ZBTB16: variants seen among roughly 807,000 people sequenced by gnomAD.
ZBTB16 encodes the protein zinc finger and BTB domain-containing protein 16.
In ZBTB16, 8 loss-of-function variants were observed where a neutral mutation model predicts 56.8. The observed-to-expected ratio is 0.14, with a 90% CI of 0.08 to 0.25. The LOEUF is 0.25. ZBTB16 is among the 10% of genes least tolerant of loss of function. The pLI, the probability that ZBTB16 is intolerant of heterozygous loss-of-function variation, is 1.00. For missense variants in ZBTB16, 625 were observed against 903.0 expected (o/e 0.69, Z 3.95); for synonymous variants, 363 against 368.5 (o/e 0.98, Z 0.17).
At chr11:114,231,738 T>C (rs982185402) in intron 4 of ZBTB16, among the ~76,000 whole-genome samples, 5 of 152,316 alleles carry the variant, frequency 3.3e-5, no homozygotes, top group African/African-American at 1.2e-4. Context: ...AAAGAGATTC[T>C]CTTTAGCTAA....
chr11:114,140,051 C>T (rs1033234782), intron 2 of ZBTB16, among the ~76,000 whole-genome samples: 1 of 152,220 alleles, frequency 6.6e-6, no homozygotes, highest in African/African-American at 2.4e-5. Context: ...CACCTCTTTT[C>T]TCCATTAGCT....
At chr11:114,167,841 C>T (rs939896571) in intron 3 of ZBTB16, among the ~76,000 whole-genome samples, 1 of 152,204 alleles carries the variant, frequency 6.6e-6, no homozygotes, top group Non-Finnish European at 1.5e-5. Flanking sequence ...AAGGCTCTAA[C>T]CTGGCTCTAG....
intron 2 of ZBTB16, among the ~76,000 whole-genome samples, chr11:114,086,534 T>G (rs1160867165): frequency 1.3e-5 from 2 of 152,230 alleles, no homozygotes; most frequent in Non-Finnish European, 2.9e-5. Flanking sequence ...ATAGTGATTG[T>G]GGTTTATCTT....
At chr11:114,061,061 T>C (rs927640930) in intron 1 of ZBTB16, among the ~76,000 whole-genome samples, 1 of 152,038 alleles carries the variant, frequency 6.6e-6, no homozygotes, top group Non-Finnish European at 1.5e-5. Flanking sequence ...CAGCTCTCCT[T>C]CTTTCAGGAG....
intron 3 of ZBTB16, among the ~76,000 whole-genome samples, chr11:114,171,369 C>G (rs1942963097): frequency 6.6e-6 from 1 of 152,218 alleles, no homozygotes; most frequent in South Asian, 2.1e-4. Context: ...ACTCCACCCC[C>G]ATCCAGAATC....
intron 2 of ZBTB16, among the ~76,000 whole-genome samples, chr11:114,099,925 G>T (rs1940549424): frequency 6.6e-6 from 1 of 152,188 alleles, no homozygotes; most frequent in Admixed American, 6.5e-5. Flanking sequence ...CTTCCTAAGA[G>T]GTGTCTGTCT....
chr11:114,113,896 A>G (rs909151658), intron 2 of ZBTB16, among the ~76,000 whole-genome samples: 3 of 152,232 alleles, frequency 2.0e-5, no homozygotes, highest in African/African-American at 7.2e-5. Flanking sequence ...CATTTATTCA[A>G]TTAGTCAACA....
chr11:114,130,469 A>G lies in ZBTB16; in HGVS notation c.1269-25868A>G, dbSNP rs542865832. Among the ~76,000 whole-genome samples the G allele has an allele frequency of 1.4e-4, 22 of 152,328 alleles. No individual in the cohort carries two copies. The South Asian group carries it at 4.6e-3, about 32-fold the overall frequency. On this transcript the variant is annotated intron_variant, in intron 2 of 6. Transcript: ENST00000335953. ...CTGTGCCCCAAGGGCATGACTGTGT[A>G]TAATTCATAAGTGTCAGCATCGATG...
intron 2 of ZBTB16, among the ~76,000 whole-genome samples, chr11:114,102,942 A>G (rs1270263665): frequency 6.6e-6 from 1 of 152,206 alleles, no homozygotes; most frequent in Non-Finnish European, 1.5e-5. Flanking sequence ...TGCCCATATT[A>G]ACCCATCTAG....
chr11:114,123,794 A>G (rs1941411624), intron 2 of ZBTB16, among the ~76,000 whole-genome samples: 1 of 152,110 alleles, frequency 6.6e-6, no homozygotes, highest in Admixed American at 6.6e-5. Flanking sequence ...TGGCCTTAAA[A>G]TAGGGTTTTA....
At chr11:114,101,672 G>A (rs1040862217) in intron 2 of ZBTB16, among the ~76,000 whole-genome samples, 3 of 152,172 alleles carry the variant, frequency 2.0e-5, no homozygotes, top group Admixed American at 6.5e-5. Context: ...GGACGATATT[G>A]CCTAACTTGT....
intron 4 of ZBTB16, among the ~76,000 whole-genome samples, chr11:114,235,703 C>CT (rs762738627): frequency 3.0e-5 from 3 of 100,786 alleles, no homozygotes; most frequent in South Asian, 3.2e-4. Flanking sequence ...TTCTTTCTTT[C>CT]TTTTCTTTCT....
chr11:114,172,515 C>T (rs1266302644), intron 3 of ZBTB16, among the ~76,000 whole-genome samples: 1 of 152,204 alleles, frequency 6.6e-6, no homozygotes, highest in Non-Finnish European at 1.5e-5. Flanking sequence ...GACAGAGCTG[C>T]GCTGTGACCC....
chr11:114,148,420 C>CTCTCTCTGTCTGTCTGT (rs1942181630), intron 2 of ZBTB16, among the ~76,000 whole-genome samples: 2 of 44,972 alleles, frequency 4.4e-5, no homozygotes, highest in Non-Finnish European at 8.0e-5. Context: ...TCCCTCCCTC[C>CTCTCTCTGTCTGTCTGT]CTCCCTCTCT....
chr11:114,256,597 T>C lies in ZBTB16; in HGVS notation c.*6042T>C, dbSNP rs965041098. On this transcript the variant is annotated 3_prime_UTR_variant, in exon 7 of 7. Coordinates refer to ENST00000335953, the MANE Select transcript of ZBTB16 (RefSeq NM_006006.6). ...TGGCTAAGCAAGCTTCAGAAATTTC[T>C]CAACAAGAAGCTTCCACACAATCAA... is the stretch of plus-strand genomic sequence containing the variant. Among the ~76,000 whole-genome samples the C allele has an allele frequency of 2.6e-5, 4 of 152,032 alleles. No homozygotes were observed. Among genetic ancestry groups the C allele is most frequent in the African/African-American group, 9.7e-5 (4 of 41,430 alleles).
intron 2 of ZBTB16, among the ~76,000 whole-genome samples, chr11:114,137,717 CT>C (rs200367270): frequency 6.6e-6 from 1 of 151,860 alleles, no homozygotes; most frequent in Non-Finnish European, 1.5e-5. Context: ...TGACCATGCC[CT>C]TTTTTTTGGG....
At chr11:114,159,942 G>GGT (rs1555145912) in intron 3 of ZBTB16, among the ~76,000 whole-genome samples, 2 of 148,012 alleles carry the variant, frequency 1.4e-5, no homozygotes, top group Admixed American at 6.7e-5. Context: ...GGAGGCGGGG[G>GGT]GGAGGCGAGC....
intron 2 of ZBTB16, among the ~76,000 whole-genome samples, chr11:114,100,976 T>C (rs1259255122): frequency 6.6e-6 from 1 of 150,852 alleles, no homozygotes; most frequent in Non-Finnish European, 1.5e-5. Flanking sequence ...GGGGGGTTCA[T>C]GGCCAGGAGC....
At position 114,256,528 on chromosome 11, in the gene ZBTB16, G is replaced by A. The variant is rs377061496; in HGVS notation, c.*5973G>A. 5.9e-5 allele frequency among the ~76,000 whole-genome samples: 9 copies of A among 152,146 alleles called. No homozygotes were observed. Among genetic ancestry groups the A allele is most frequent in the African/African-American group, 2.2e-4 (9 of 41,418 alleles). ...AGAGTTCTCAAAGCAGGGGTCTCAC[G>A]TCTTCTTTAGTCTTTAGAGAGACAT... On this transcript the variant is annotated 3_prime_UTR_variant, in exon 7 of 7. Transcript: ENST00000335953.
Sources: gnomAD v4.1 joint callset for allele counts (sites outside exome capture counted in the v4.1 genomes callset) on GRCh38, gnomAD v4.1.1 for gene constraint, MANE v1.5 for transcripts, NCBI Gene and HGNC (gene_info 2026-07-23, HGNC 2026-07-21) for gene names.